The following RASSF8 variants were observed in gnomAD, a reference collection of about 807,000 sequenced individuals.
The protein encoded by RASSF8 is Ras association domain family member 8, also known as ras association domain-containing protein 8.
A neutral mutation model predicts 48.5 loss-of-function variants in RASSF8; 22 were observed. The ratio of observed to expected loss-of-function variants is 0.45; its 90% CI spans 0.32 to 0.65. The LOEUF is 0.65. RASSF8 is among the 30% of genes least tolerant of loss of function. RASSF8 has a pLI of 0.03. For missense variants in RASSF8, 418 were observed against 489.2 expected (o/e 0.85, Z 1.37); for synonymous variants, 127 against 171.5 (o/e 0.74, Z 2.03).
At chr12:26,074,513 T>TC (rs1591826973), downstream of RASSF8, among the ~76,000 whole-genome samples, 4 of 151,560 alleles carry the variant, frequency 2.6e-5, no homozygotes, top group East Asian at 7.8e-4. Flanking sequence ...CAGCCAAATT[T>TC]TTTTTTTTTT....
At chr12:26,010,989 G>A (rs1314260473) in intron 2 of RASSF8, among the ~76,000 whole-genome samples, 1 of 152,060 alleles carries the variant, frequency 6.6e-6, no homozygotes, top group East Asian at 1.9e-4. Context: ...TCCTTCCTTG[G>A]AATCCAAAAG....
At chr12:26,073,979 C>T (rs1223788335), downstream of RASSF8, among the ~76,000 whole-genome samples, 1 of 148,748 alleles carries the variant, frequency 6.7e-6, no homozygotes, top group Non-Finnish European at 1.5e-5. Flanking sequence ...GAGAGAGTCT[C>T]ACTCTAAAAA....
intron 2 of RASSF8, among the ~76,000 whole-genome samples, chr12:25,998,436 G>A (rs1361611062): frequency 1.4e-5 from 2 of 147,822 alleles, no homozygotes; most frequent in Non-Finnish European, 3.0e-5. Flanking sequence ...CGCAACCTCC[G>A]CCTCCTGGGT....
chr12:26,043,250 A>G (rs781436564), intron 2 of RASSF8, among the ~76,000 whole-genome samples: 1 of 152,228 alleles, frequency 6.6e-6, no homozygotes, highest in Admixed American at 6.5e-5. Context: ...AGGATGTGCA[A>G]AAATTAGCAG....
At chr12:26,002,482 TA>T (rs1942284251) in intron 2 of RASSF8, among the ~76,000 whole-genome samples, 1 of 147,814 alleles carries the variant, frequency 6.8e-6, no homozygotes. Flanking sequence ...CTGTATTATA[TA>T]AAAAATTATT....
At chr12:26,044,547 T>G (rs1479549102) in intron 2 of RASSF8, among the ~76,000 whole-genome samples, 1 of 152,184 alleles carries the variant, frequency 6.6e-6, no homozygotes, top group African/African-American at 2.4e-5. Context: ...GTATAGCTCA[T>G]TCATTCTGAC....
At chr12:26,037,629 AAAC>A (rs776769117) in intron 2 of RASSF8, among the ~76,000 whole-genome samples, 6 of 152,234 alleles carry the variant, frequency 3.9e-5, no homozygotes, top group Non-Finnish European at 7.3e-5. Flanking sequence ...ATTGGCATAG[AAAC>A]AACAAGCTTA....
intron 1 of RASSF8, among the ~76,000 whole-genome samples, chr12:25,987,186 G>A (rs1272112700): frequency 1.3e-5 from 2 of 152,084 alleles, no homozygotes; most frequent in African/African-American, 4.8e-5. Flanking sequence ...CACCTGCCTC[G>A]GCCTCCCAAA....
downstream of RASSF8, among the ~76,000 whole-genome samples, chr12:26,077,090 T>C (rs1156868827): frequency 2.0e-5 from 3 of 152,238 alleles, no homozygotes; most frequent in Admixed American, 6.5e-5. Flanking sequence ...CTCATATCCT[T>C]TGCCCACTTT....
At chr12:26,000,786 T>C (rs1942236428) in intron 2 of RASSF8, among the ~76,000 whole-genome samples, 1 of 152,094 alleles carries the variant, frequency 6.6e-6, no homozygotes, top group Non-Finnish European at 1.5e-5. Flanking sequence ...AAAGGTATGG[T>C]AGAAATACTG....
chr12:25,979,554 A>G (rs775796893), intron 1 of RASSF8, among the ~76,000 whole-genome samples: 2 of 152,188 alleles, frequency 1.3e-5, no homozygotes, highest in Non-Finnish European at 2.9e-5. Context: ...CAAGCACTTC[A>G]CATGTATTAA....
chr12:26,065,558 A>T (rs1943854837), intron 4 of RASSF8, among the ~76,000 whole-genome samples, 171 bp downstream of exon 4: 1 of 152,234 alleles, frequency 6.6e-6, no homozygotes, highest in Non-Finnish European at 1.5e-5. Flanking sequence ...TGGGAGCAGT[A>T]GCCTTGCGGA....
chr12:26,002,184 G>A (rs1022090212), intron 2 of RASSF8, among the ~76,000 whole-genome samples: 1 of 152,366 alleles, frequency 6.6e-6, no homozygotes, highest in Middle Eastern at 3.4e-3. Flanking sequence ...TGTAATCCCA[G>A]CACTTTGGGA....
At chr12:26,018,343 TAATA>T (rs1402246209) in intron 2 of RASSF8, among the ~76,000 whole-genome samples, 2 of 152,166 alleles carry the variant, frequency 1.3e-5, no homozygotes, top group Admixed American at 6.5e-5. Context: ...AACCTTTTTT[TAATA>T]AATCAATTTT....
intron 2 of RASSF8, among the ~76,000 whole-genome samples, chr12:26,054,617 C>G (rs1440303352): frequency 1.3e-5 from 2 of 152,008 alleles, no homozygotes; most frequent in African/African-American, 4.8e-5. Flanking sequence ...ACTCTTTGTC[C>G]TGTGGGGAGA....
chr12:26,069,172 A>G lies in RASSF8; in HGVS notation c.*354A>G, dbSNP rs1943947802. The G allele has an allele frequency of 1.0e-6, 1 of 989,868 alleles. No homozygotes were observed. The highest frequency in any genetic ancestry group is 1.2e-6 in the Non-Finnish European group (1 of 832,148). The allele number at this position is 989,868 out of a possible 1,614,324, so 61.3% of individuals were successfully genotyped here. ...AGAAATTTGTGACTGGCTTAGTTTA[A>G]TTTATTTCATGTAATCAATGTGTGA... On this transcript the variant is annotated 3_prime_UTR_variant, in exon 6 of 6. Coordinates refer to ENST00000689635, the MANE Select transcript of RASSF8 (RefSeq NM_001394098.1).
intron 2 of RASSF8, among the ~76,000 whole-genome samples, chr12:26,035,629 T>C (rs2137129535): frequency 6.9e-6 from 1 of 144,516 alleles, no homozygotes; most frequent in African/African-American, 2.5e-5. Flanking sequence ...TATATAATTA[T>C]ATAATTTCAC....
intron 2 of RASSF8, among the ~76,000 whole-genome samples, chr12:26,049,998 T>A (rs1420713010): frequency 6.6e-6 from 1 of 152,152 alleles, no homozygotes; most frequent in Admixed American, 6.5e-5. Context: ...TTAGTCAGGA[T>A]GGTCTTGATC....
chr12:26,070,242 T>G lies in RASSF8; in HGVS notation c.*1424T>G. 1.0e-6 allele frequency: 1 copy of G among 979,368 alleles called. No individual in the cohort carries two copies. Among genetic ancestry groups the G allele is most frequent in the South Asian group, 4.7e-5 (1 of 21,128 alleles). The allele number at this position is 979,368 out of a possible 1,614,324, so 60.7% of individuals were successfully genotyped here. A position where few individuals can be genotyped will look rare whatever the true frequency, so the allele number is the denominator to read the frequency against. Reference sequence around the variant, plus strand: ...TAATATAGTAATGCCATGGTAACAATAGAGCTATGTCTTATGCATGAAGGC... The same window carrying G: ...TAATATAGTAATGCCATGGTAACAAGAGAGCTATGTCTTATGCATGAAGGC... On this transcript the variant is annotated 3_prime_UTR_variant, in exon 6 of 6. Transcript: ENST00000689635.
Sources: allele counts gnomAD v4.1 joint callset (sites outside exome capture counted in the v4.1 genomes callset), GRCh38; gene constraint gnomAD v4.1.1; transcripts MANE v1.5; gene names NCBI Gene and HGNC (gene_info 2026-07-23, HGNC 2026-07-21).